XYLT1: variants seen among roughly 807,000 people sequenced by gnomAD.
XYLT1 encodes the protein beta-D-xylosyltransferase 1.
In XYLT1, 36 loss-of-function variants were observed where a neutral mutation model predicts 91.3. The observed-to-expected ratio is 0.39, with a 90% CI of 0.30 to 0.52. XYLT1 has a LOEUF of 0.52. Ranked by LOEUF, XYLT1 falls within the 20% of genes least tolerant of loss-of-function variation. XYLT1 has a pLI of 0.68. For missense variants in XYLT1, 1,242 were observed against 1,284.5 expected, an observed-to-expected ratio of 0.97 and a Z score of 0.51; for synonymous variants, 588 against 532.0, an observed-to-expected ratio of 1.11 and a Z score of -1.45.
chr16:17,182,066 C>G (rs2032082820), intron 5 of XYLT1, among the ~76,000 whole-genome samples: 1 of 152,192 alleles, frequency 6.6e-6, no homozygotes, highest in Non-Finnish European at 1.5e-5. Context: ...CCTGGCTATT[C>G]TTCCTTTTAC....
chr16:17,241,114 G>A (rs1023046744), intron 3 of XYLT1, among the ~76,000 whole-genome samples: 2 of 152,206 alleles, frequency 1.3e-5, no homozygotes, highest in Admixed American at 6.5e-5. Flanking sequence ...GCTGAGCTCC[G>A]CTGATCTGCT....
chr16:17,392,277 T>C (rs183326078), intron 1 of XYLT1, among the ~76,000 whole-genome samples: 3 of 152,288 alleles, frequency 2.0e-5, no homozygotes, highest in Admixed American at 2.0e-4. Context: ...GAACATTCCA[T>C]TCTCTCTGCC....
intron 4 of XYLT1, 115 bp downstream of exon 4, chr16:17,200,367 C>T: frequency 1.5e-6 from 2 of 1,372,408 alleles, no homozygotes; most frequent in Non-Finnish European, 2.0e-6. Context: ...GGTCAGCTTC[C>T]AAGCCTTTTC....
chr16:17,318,801 T>TC (rs1356054904), intron 2 of XYLT1, among the ~76,000 whole-genome samples: 1 of 151,392 alleles, frequency 6.6e-6, no homozygotes, highest in African/African-American at 2.4e-5. Context: ...TTTTTTTTTT[T>TC]TTTTCTTCAG....
chr16:17,375,337 C>A (rs1019268046), intron 1 of XYLT1, among the ~76,000 whole-genome samples: 1 of 151,914 alleles, frequency 6.6e-6, no homozygotes, highest in Admixed American at 6.6e-5. Flanking sequence ...AATAACTCAC[C>A]CAAAATCCCC....
chr16:17,319,811 C>T (rs183051146), intron 2 of XYLT1, among the ~76,000 whole-genome samples: 10 of 152,330 alleles, frequency 6.6e-5, no homozygotes, highest in Non-Finnish European at 1.2e-4. Flanking sequence ...GCACCCCTCA[C>T]CCCATTTCTG....
intron 2 of XYLT1, chr16:17,338,251 G>A (rs1384795724): frequency 2.2e-6 from 1 of 456,436 alleles, no homozygotes; most frequent in East Asian, 6.9e-5. Context: ...ATCTCAAACT[G>A]ATCTTGGACC....
At chr16:17,153,036 T>C (rs2141534266) in intron 6 of XYLT1, among the ~76,000 whole-genome samples, 1 of 152,232 alleles carries the variant, frequency 6.6e-6, no homozygotes, top group Admixed American at 6.5e-5. Flanking sequence ...ATAAGAGTTA[T>C]TGAACATTTT....
chr16:17,376,574 C>T (rs1049600070), intron 1 of XYLT1, among the ~76,000 whole-genome samples: 1 of 152,148 alleles, frequency 6.6e-6, no homozygotes, highest in Non-Finnish European at 1.5e-5. Flanking sequence ...CGCCTATAAT[C>T]CCAACACTTT....
chr16:17,225,173 A>T (rs1006581142), intron 3 of XYLT1, among the ~76,000 whole-genome samples: 61 of 100,762 alleles, frequency 6.1e-4, no homozygotes, highest in African/African-American at 1.2e-3. Context: ...ACACACACAC[A>T]CACACTCTCT....
At chr16:17,335,312 T>C (rs1394236867) in intron 2 of XYLT1, among the ~76,000 whole-genome samples, 1 of 151,920 alleles carries the variant, frequency 6.6e-6, no homozygotes, top group East Asian at 1.9e-4. Context: ...CCCCTTTTAT[T>C]GGTGAGAAAA....
At chr16:17,313,710 G>A (rs2034586409) in intron 2 of XYLT1, among the ~76,000 whole-genome samples, 1 of 151,518 alleles carries the variant, frequency 6.6e-6, no homozygotes, top group African/African-American at 2.4e-5. Context: ...AAAGTTCATA[G>A]GAATCCATGA....
At chr16:17,452,860 T>TAC (rs549600410) in intron 1 of XYLT1, among the ~76,000 whole-genome samples, 10 of 151,210 alleles carry the variant, frequency 6.6e-5, no homozygotes, top group South Asian at 2.1e-4. Flanking sequence ...TCCCCTAGAA[T>TAC]ACACACACAC....
intron 1 of XYLT1, among the ~76,000 whole-genome samples, chr16:17,442,992 T>C (rs371921749): frequency 6.6e-6 from 1 of 152,156 alleles, no homozygotes; most frequent in African/African-American, 2.4e-5. Context: ...ATTCACTCTA[T>C]GAGAGGCAGA....
intron 6 of XYLT1, among the ~76,000 whole-genome samples, chr16:17,150,089 G>A (rs941448833): frequency 6.6e-6 from 1 of 152,176 alleles, no homozygotes; most frequent in African/African-American, 2.4e-5. Flanking sequence ...AGAAGTCCTT[G>A]TTTTAGTTGT....
chr16:17,455,141 C>T (rs984844255), intron 1 of XYLT1, among the ~76,000 whole-genome samples: 5 of 151,970 alleles, frequency 3.3e-5, no homozygotes, highest in Admixed American at 6.6e-5. Flanking sequence ...TTAGAAGTCA[C>T]GATAGAGACC....
intron 1 of XYLT1, among the ~76,000 whole-genome samples, chr16:17,411,530 T>G (rs1394788735): frequency 6.6e-6 from 1 of 152,230 alleles, no homozygotes; most frequent in African/African-American, 2.4e-5. Flanking sequence ...CAGTTTATTA[T>G]TTTTTGAAGA....
intron 2 of XYLT1, among the ~76,000 whole-genome samples, chr16:17,279,306 G>A (rs761977721): frequency 5.3e-5 from 8 of 152,174 alleles, no homozygotes; most frequent in Admixed American, 1.3e-4. Flanking sequence ...AGTCAATGTT[G>A]GGAAAACACT....
chr16:17,327,823 A>G (rs142396776), intron 2 of XYLT1, among the ~76,000 whole-genome samples: 13 of 152,120 alleles, frequency 8.5e-5, no homozygotes, highest in African/African-American at 1.2e-4. Context: ...AACTCAGTCA[A>G]CCTTTTCTGT....
Sources: allele counts gnomAD v4.1 joint callset (sites outside exome capture counted in the v4.1 genomes callset), GRCh38; gene constraint gnomAD v4.1.1; transcripts MANE v1.5; gene names NCBI Gene and HGNC (gene_info 2026-07-23, HGNC 2026-07-21).